Variants in OPN3 observed in about 807,000 individuals in gnomAD.
OPN3 encodes opsin 3, also known as opsin-3.
A neutral mutation model predicts 33.8 loss-of-function variants in OPN3; 29 were observed. The observed-to-expected ratio is 0.86, with a 90% CI of 0.64 to 1.17. OPN3 has a LOEUF of 1.17. Ranked by LOEUF, OPN3 falls within the 50% of genes most tolerant of loss-of-function variation. The pLI is 0.00. For synonymous variants in OPN3, 216 were observed against 216.1 expected (o/e 1.00, Z 0.00); for missense variants, 437 against 514.1 (o/e 0.85, Z 1.45).
chr1:241,640,258 C>A lies in OPN3; in HGVS notation c.-4G>T. Reference sequence around the variant, plus strand: ...CGCTGCGGTTCCCCGAGTACATGGCCCGGCGCCGGCGCGCCTGGCGGGCGG... The same window carrying A: ...CGCTGCGGTTCCCCGAGTACATGGCACGGCGCCGGCGCGCCTGGCGGGCGG... On this transcript the variant is annotated 5_prime_UTR_variant, in exon 1 of 4. Transcript: ENST00000366554. 8.3e-7 allele frequency: 1 copy of A among 1,200,394 alleles called. No homozygotes were observed. The highest frequency in any genetic ancestry group is 1.6e-5 in the African/African-American group (1 of 62,864). The allele number at this position is 1,200,394 out of a possible 1,614,324, so 74.4% of individuals were successfully genotyped here. A position where few individuals can be genotyped will look rare whatever the true frequency, so the allele number is the denominator to read the frequency against.
At chr1:241,608,819 T>C (rs559099923) in intron 1 of OPN3, among the ~76,000 whole-genome samples, 1 of 152,344 alleles carries the variant, frequency 6.6e-6, no homozygotes, top group African/African-American at 2.4e-5. Context: ...AACCTTGTAT[T>C]TCCCAAGTCC....
At chr1:241,619,281 C>G (rs191871844) in intron 1 of OPN3, among the ~76,000 whole-genome samples, 79 of 152,256 alleles carry the variant, frequency 5.2e-4, no homozygotes, top group Non-Finnish European at 1.0e-3. Context: ...TAACATTTCA[C>G]AAAACAGTAC....
intron 1 of OPN3, chr1:241,635,958 G>C: frequency 1.7e-6 from 1 of 580,064 alleles, no homozygotes; most frequent in Non-Finnish European, 3.1e-6. Context: ...ACATGAGCAA[G>C]TACATCTAAT....
At chr1:241,600,489 C>A (rs1266422424) in intron 2 of OPN3, 1 of 152,182 alleles carries the variant, frequency 6.6e-6, no homozygotes, top group African/African-American at 2.4e-5. Context: ...CCAGCTAAGA[C>A]AAATTCTTCA....
intron 1 of OPN3, chr1:241,633,839 T>C: frequency 6.2e-7 from 1 of 1,613,864 alleles, no homozygotes; most frequent in Non-Finnish European, 8.5e-7. Context: ...GTTTTTGCTT[T>C]CCTCAGAGGA....
At position 241,640,328 on chromosome 1, in the gene OPN3, G is replaced by A. The variant is rs1288940870; in HGVS notation, c.-74C>T. 15 of 1,085,296 alleles carry A rather than the reference G, an allele frequency of 1.4e-5. No individual in the cohort carries two copies. The highest frequency in any genetic ancestry group is 3.4e-5 in the African/African-American group (2 of 59,354). The allele number at this position is 1,085,296 out of a possible 1,614,324, so 67.2% of individuals were successfully genotyped here. On this transcript the variant is annotated 5_prime_UTR_variant, in exon 1 of 4. Coordinates refer to ENST00000366554, the MANE Select transcript of OPN3 (RefSeq NM_014322.3). ...GGGCTCGCGGCGCGCTCCGCACTGG[G>A]TGGGGTTGGGGCTCCGCCGCCTGCT...
chr1:241,636,345 CTAACTT>C (rs1180341570), intron 1 of OPN3, among the ~76,000 whole-genome samples: 1 of 152,208 alleles, frequency 6.6e-6, no homozygotes, highest in African/African-American at 2.4e-5. Flanking sequence ...ATACAATTCT[CTAACTT>C]TAGCTTTTAA....
At chr1:241,613,304 G>A (rs748730997) in intron 1 of OPN3, among the ~76,000 whole-genome samples, 5 of 152,034 alleles carry the variant, frequency 3.3e-5, no homozygotes, top group African/African-American at 9.7e-5. Flanking sequence ...TTATAATTAC[G>A]ATTCCCATTT....
At position 241,597,761 on chromosome 1, in the gene OPN3, G is replaced by A. The variant is rs142796416; in HGVS notation, c.930C>T (p.Val310=). ...SNTVYNPVIY[V]FMIRKFRRSL... is the part of the protein sequence containing the mutation. ...CAAAGCTTACCTTTCTGATCATGAA[G>A]ACATAAATCACTGGATTGTATACAG... The change falls in exon 3 of 4, where the codon GTC becomes GTT. Residue 310 remains valine, a synonymous_variant. Coordinates refer to ENST00000366554, the MANE Select transcript of OPN3 (RefSeq NM_014322.3). The A allele has an allele frequency of 1.9e-6, 3 of 1,612,358 alleles. No individual in the cohort carries two copies. Among genetic ancestry groups the A allele is most frequent in the African/African-American group, 2.7e-5 (2 of 74,720 alleles).
intron 1 of OPN3, among the ~76,000 whole-genome samples, chr1:241,622,094 C>G (rs565639111): frequency 2.0e-5 from 3 of 152,128 alleles, no homozygotes; most frequent in Non-Finnish European, 4.4e-5. Flanking sequence ...GTTTCATATC[C>G]TCCACTTTTT....
intron 2 of OPN3, among the ~76,000 whole-genome samples, chr1:241,603,127 T>C (rs2147999926): frequency 6.6e-6 from 1 of 152,042 alleles, no homozygotes; most frequent in African/African-American, 2.4e-5. Context: ...GAAGTGTCTC[T>C]GGGGCATGGA....
chr1:241,636,186 C>T, intron 1 of OPN3: 1 of 400,356 alleles, frequency 2.5e-6, no homozygotes, highest in Non-Finnish European at 4.4e-6. Flanking sequence ...ACATAAACCT[C>T]TACTAAAGCA....
At chr1:241,619,335 T>C (rs1035082400) in intron 1 of OPN3, among the ~76,000 whole-genome samples, 1 of 152,188 alleles carries the variant, frequency 6.6e-6, no homozygotes, top group African/African-American at 2.4e-5. Context: ...GGCTCCCTAG[T>C]TGAGAGAGTC....
intron 1 of OPN3, among the ~76,000 whole-genome samples, chr1:241,605,577 A>T (rs181836683): frequency 6.6e-6 from 1 of 152,260 alleles, no homozygotes; most frequent in Non-Finnish European, 1.5e-5. Context: ...TGGATGGCCC[A>T]TGGTGACTAA....
At chr1:241,597,611 G>T in intron 3 of OPN3, 135 bp downstream of exon 3, 2 of 769,694 alleles carry the variant, frequency 2.6e-6, no homozygotes, top group South Asian at 2.7e-5. Flanking sequence ...ATTTCTTCCA[G>T]ATCCCTTTAA....
chr1:241,606,546 AAAATAAAT>A (rs10677298), intron 1 of OPN3, among the ~76,000 whole-genome samples: 33,546 of 141,936 alleles, frequency 0.24, 3,996 homozygotes, highest in Middle Eastern at 0.3. Context: ...ACTCTGATTC[AAAATAAAT>A]AAATAAATAA....
intron 2 of OPN3, among the ~76,000 whole-genome samples, chr1:241,601,902 C>T (rs538652798): frequency 7.9e-5 from 12 of 152,078 alleles, no homozygotes; most frequent in African/African-American, 1.2e-4. Context: ...AGCAAATAGA[C>T]GAGCAGAAGA....
At chr1:241,629,729 A>G (rs1664547306) in intron 1 of OPN3, 1 of 152,124 alleles carries the variant, frequency 6.6e-6, no homozygotes, top group Non-Finnish European at 1.5e-5. Context: ...TTCATTTGGA[A>G]TATCACATGT....
Position 241,635,696 on chromosome 1 carries a change from G to C in OPN3, c.373+4186C>G, listed in dbSNP as rs137990597. On this transcript the variant is annotated intron_variant, in intron 1 of 3. Coordinates refer to ENST00000366554, the MANE Select transcript of OPN3 (RefSeq NM_014322.3). ...CTGACCACTTCTTGAACATGCAGCT[G>C]CAAGGATGGATTCGGGCAAACCTGT... is the stretch of plus-strand genomic sequence containing the variant. 46 of 1,614,038 alleles carry C rather than the reference G, an allele frequency of 2.8e-5. No homozygotes were observed. The African/African-American group carries it at 5.7e-4, about 20-fold the overall frequency.
Sources: allele counts gnomAD v4.1 joint callset (sites outside exome capture counted in the v4.1 genomes callset), GRCh38; gene constraint gnomAD v4.1.1; transcripts MANE v1.5; gene names NCBI Gene and HGNC (gene_info 2026-07-23, HGNC 2026-07-21).